Variants in NKX2-5 observed in about 807,000 individuals in gnomAD.
NKX2-5 encodes the protein homeobox protein Nkx-2.5.
NKX2-5 carries 3 observed loss-of-function variants against 24.5 expected under a neutral mutation model. The observed-to-expected ratio is 0.12, with a 90% CI of 0.06 to 0.32. The LOEUF (loss-of-function observed/expected upper bound fraction) is 0.32, where lower values mean the gene tolerates loss of function less well. Among genes scored for constraint, NKX2-5 ranks in the 10% least tolerant of loss-of-function variants. The pLI is 1.00. For synonymous variants in NKX2-5, 215 were observed against 217.6 expected (o/e 0.99, Z 0.11); for missense variants, 429 against 452.4 (o/e 0.95, Z 0.47).
At position 173,232,759 on chromosome 5, in the gene NKX2-5, G is replaced by A. The variant is rs1450940026; in HGVS notation, c.785C>T (p.Ala262Val). ...AYPAYPGYGG[A>V]ACSPGYSCTA... is the part of the protein sequence containing the mutation. ...GCAGCTGTAGCCAGGGCTGCAGGCC[G>A]CGCCGCCGTAACCCGGATAGGCGGG... Residue 262 changes from alanine to valine, a missense_variant, in exon 2 of 2, where the codon GCG (alanine) becomes GTG (valine). Ala to Val is a moderately conservative substitution (Grantham distance 64). Transcript: ENST00000329198. The surrounding 1 kb of genome is among the most constrained non-coding windows in gnomAD (Gnocchi z 5.9). 6.2e-7 allele frequency: 1 copy of A among 1,604,458 alleles called. No individual in the cohort carries two copies. Among genetic ancestry groups the A allele is most frequent in the South Asian group, 1.1e-5 (1 of 90,540 alleles).
At position 173,233,034 on chromosome 5, in the gene NKX2-5, C is replaced by G. The variant is rs1489743522; in HGVS notation, c.510G>C (p.Gln170His). The G allele has an allele frequency of 1.4e-5, 23 of 1,607,808 alleles. No homozygotes were observed. The highest frequency in any genetic ancestry group is 3.4e-5 in the Admixed American group (2 of 59,034). Residue 170 changes from glutamine to histidine, a missense_variant, in exon 2 of 2, where the codon CAG becomes CAC. Gln to His is a conservative substitution (Grantham distance 24). Around this residue, in one of 3 missense-constraint regions of NKX2-5, gnomAD observed 240 missense variants for 240.4 expected, o/e 1.00. Transcript: ENST00000329198. Reference sequence around the variant, plus strand: ...ACGTGAGTTTCAGCACGCTGGCCAGCTGGTCGCGTTCGGGGGCCGACAGGT... The same window carrying G: ...ACGTGAGTTTCAGCACGCTGGCCAGGTGGTCGCGTTCGGGGGCCGACAGGT... ...QRYLSAPERD[Q>H]LASVLKLTST...
At position 173,233,156 on chromosome 5, in the gene NKX2-5, C is replaced by G. The variant is rs1761363955; in HGVS notation, c.388G>C (p.Ala130Pro). 1 of 1,602,920 alleles carries G rather than the reference C, an allele frequency of 6.2e-7. No homozygotes were observed. ...CGCCGTCGCGCCCGGGGCCGCTCCG[C>G]GTTGTCCGCCTCTGTCTTCTCCAGC... ...VELEKTEADN[A>P]ERPRARRRRK... is the part of the protein sequence containing the mutation. The change falls in exon 2 of 2, where the codon GCG (alanine) becomes CCG (proline). Residue 130 changes from alanine (A) to proline (P), a missense_variant. By Grantham distance (27) the Ala-to-Pro change is conservative. Coordinates refer to ENST00000329198, the MANE Select transcript of NKX2-5 (RefSeq NM_004387.4).
In NKX2-5 at chr5:173,234,041, C is replaced by T. The variant is rs1055396946; in HGVS notation, c.334+709G>A. 4.7e-6 allele frequency: 6 copies of T among 1,289,024 alleles called. No homozygotes were observed. The African/African-American group carries it at 7.6e-5, about 16-fold the overall frequency. 79.8% of individuals were successfully genotyped at this position (1,289,024 alleles called of 1,614,324 possible). A position where few individuals can be genotyped will look rare whatever the true frequency, so the allele number is the denominator to read the frequency against. On this transcript the variant is annotated intron_variant, in intron 1 of 1. Coordinates refer to ENST00000329198, the MANE Select transcript of NKX2-5 (RefSeq NM_004387.4). Reference sequence around the variant, plus strand: ...CCTGGGATGGCCTGCGGGATGATCCCGCACTCATCTCGTCCACTCCCTTGT... The same window carrying T: ...CCTGGGATGGCCTGCGGGATGATCCTGCACTCATCTCGTCCACTCCCTTGT...
At chr5:173,233,841 C>G in intron 1 of NKX2-5, 1 of 985,424 alleles carries the variant, frequency 1.0e-6, no homozygotes, top group Non-Finnish European at 1.2e-6. Flanking sequence ...CGAATTTGTT[C>G]CCAGGCCTCT....
Position 173,232,842 on chromosome 5 carries a change from C to T in NKX2-5, c.702G>A (p.Ser234=), listed in dbSNP as rs144543503. ...CGCCGTAGGCAGGCGCGTAGGGCGC[C>T]GAGTCCCCTAGGCATGGCTTGCCAT... ...VRDGKPCLGD[S]APYAPAYGVG... The change falls in exon 2 of 2, where the codon TCG becomes TCA. Residue 234 remains serine (S), a synonymous_variant. Coordinates refer to ENST00000329198, the MANE Select transcript of NKX2-5 (RefSeq NM_004387.4). This position sits in a 1 kb window ranked among gnomAD's most constrained non-coding sequence, Gnocchi z 5.9. 90 of 1,611,802 alleles carry T rather than the reference C, an allele frequency of 5.6e-5. No individual in the cohort carries two copies. The highest frequency in any genetic ancestry group is 7.3e-5 in the Non-Finnish European group (86 of 1,179,472).
chr5:173,233,529 A>AAAAAAG, intron 1 of NKX2-5: 1 of 899,594 alleles, frequency 1.1e-6, no homozygotes, highest in South Asian at 1.6e-5. Context: ...ATAAATAAAA[A>AAAAAAG]AATAAAAAAA....
chr5:173,232,250 C>A lies in NKX2-5; in HGVS notation c.*319G>T. 2.6e-6 allele frequency: 1 copy of A among 390,228 alleles called. No individual in the cohort carries two copies. 24.2% of individuals were successfully genotyped at this position (390,228 alleles called of 1,614,324 possible). On this transcript the variant is annotated 3_prime_UTR_variant, in exon 2 of 2. Transcript: ENST00000329198. This position sits in a 1 kb window ranked among gnomAD's most constrained non-coding sequence, Gnocchi z 5.9. ...CGGCCCTGGCTCGCGGAATGGGCGG[C>A]CAGATCTCAGGCCCTGCGTGCCCGA...
chr5:173,234,013 G>C (rs1269893985), intron 1 of NKX2-5: 1 of 1,266,640 alleles, frequency 7.9e-7, no homozygotes, highest in East Asian at 6.0e-5. Flanking sequence ...CTCCCTCCCC[G>C]ATCCTGGGAT....
intron 1 of NKX2-5, chr5:173,233,817 C>A (rs1761396144): frequency 2.8e-5 from 28 of 983,588 alleles, no homozygotes; most frequent in Non-Finnish European, 3.3e-5. Context: ...TCAGTTCTAG[C>A]CGCCGTGCCC....
At position 173,232,729 on chromosome 5, in the gene NKX2-5, G is replaced by C; in HGVS notation, c.815C>G (p.Ala272Gly). The C allele has an allele frequency of 6.8e-6, 11 of 1,607,328 alleles. No individual in the cohort carries two copies. Among genetic ancestry groups the C allele is most frequent in the Non-Finnish European group, 8.5e-6 (10 of 1,176,796 alleles). Reference sequence around the variant, plus strand: ...TGGGGAAGGCCCGGCGGGGTAAGCGGCAGTGCAGCTGTAGCCAGGGCTGCA... The same window carrying C: ...TGGGGAAGGCCCGGCGGGGTAAGCGCCAGTGCAGCTGTAGCCAGGGCTGCA... ...AACSPGYSCT[A>G]AYPAGPSPAQ... The change falls in exon 2 of 2, where the codon GCC becomes GGC. Residue 272 changes from alanine to glycine, a missense_variant. By Grantham distance (60) the Ala-to-Gly change is moderately conservative. Transcript: ENST00000329198. This position sits in a 1 kb window ranked among gnomAD's most constrained non-coding sequence, Gnocchi z 5.9.
chr5:173,235,065 G>T lies in NKX2-5; in HGVS notation c.19C>A (p.Leu7Ile). ...TTGACTGAGAAGGGCGTGGGCGTGA[G>T]AGCAGGGCTGGGGAACATGGTGGCA... MFPSPALTPTPFSVKDI... is the reference protein window; with the variant it reads MFPSPAITPTPFSVKDI... Residue 7 changes from leucine (L) to isoleucine (I), a missense_variant, in exon 1 of 2, where the codon CTC becomes ATC. Physicochemically the swap from Leu to Ile is conservative, Grantham distance 5 (BLOSUM62 2). This residue lies in a region of NKX2-5 where 240 missense variants were observed against 240.4 expected (regional missense o/e 1.00). Transcript: ENST00000329198. 6.2e-7 allele frequency: 1 copy of T among 1,610,690 alleles called. No homozygotes were observed.
At position 173,232,394 on chromosome 5, in the gene NKX2-5, A is replaced by G; in HGVS notation, c.*175T>C. The G allele has an allele frequency of 1.6e-6, 2 of 1,214,002 alleles. No individual in the cohort carries two copies. Among genetic ancestry groups the G allele is most frequent in the South Asian group, 1.5e-5 (1 of 67,532 alleles). The allele number at this position is 1,214,002 out of a possible 1,614,324, so 75.2% of individuals were successfully genotyped here. A position where few individuals can be genotyped will look rare whatever the true frequency, so the allele number is the denominator to read the frequency against. ...GCACGCTGCATAATCGCCGCCACAA[A>G]CTCTCCCGTGCGCAAGAACAAACGC... On this transcript the variant is annotated 3_prime_UTR_variant, in exon 2 of 2. Transcript: ENST00000329198. The surrounding 1 kb of genome is among the most constrained non-coding windows in gnomAD (Gnocchi z 5.9).
intron 1 of NKX2-5, chr5:173,233,598 G>T: frequency 1.4e-6 from 1 of 707,456 alleles, no homozygotes; most frequent in East Asian, 2.8e-5. Context: ...TTTGGTTTGA[G>T]AAGTTAAATG....
chr5:173,232,175 C>A lies in NKX2-5; in HGVS notation c.*394G>T, dbSNP rs538476635. 7.8e-4 allele frequency: 192 copies of A among 244,682 alleles called. No homozygotes were observed. Among genetic ancestry groups the A allele is most frequent in the African/African-American group, 4.2e-3 (184 of 43,774 alleles). 15.2% of individuals were successfully genotyped at this position (244,682 alleles called of 1,614,324 possible). A position where few individuals can be genotyped will look rare whatever the true frequency, so the allele number is the denominator to read the frequency against. ...ACAGCAATAGGTAAAAACATAAATACGGGTGGGTGCGTGGGCGGGCGACGG... is the reference window on the plus strand; with the variant it reads ...ACAGCAATAGGTAAAAACATAAATAAGGGTGGGTGCGTGGGCGGGCGACGG... On this transcript the variant is annotated 3_prime_UTR_variant, in exon 2 of 2. Transcript: ENST00000329198. This position sits in a 1 kb window ranked among gnomAD's most constrained non-coding sequence, Gnocchi z 5.9.
chr5:173,232,811 G>A lies in NKX2-5; in HGVS notation c.733C>T (p.Leu245Phe), dbSNP rs1761348880. The A allele has an allele frequency of 6.2e-7, 1 of 1,611,970 alleles. No homozygotes were observed. The highest frequency in any genetic ancestry group is 8.5e-7 in the Non-Finnish European group (1 of 1,179,526). ...APYAPAYGVGLNPYGYNAYPA... is the reference protein window; with the variant it reads ...APYAPAYGVGFNPYGYNAYPA... ...TAGGCGTTATAACCGTAGGGATTGA[G>A]GCCCACGCCGTAGGCAGGCGCGTAG... The change falls in exon 2 of 2, where the codon CTC becomes TTC. Residue 245 changes from leucine (L) to phenylalanine (F), a missense_variant. Physicochemically the swap from Leu to Phe is conservative, Grantham distance 22. Transcript: ENST00000329198. The surrounding 1 kb of genome is among the most constrained non-coding windows in gnomAD (Gnocchi z 5.9).
At position 173,232,637 on chromosome 5, in the gene NKX2-5, C is replaced by A. The variant is rs772495396; in HGVS notation, c.907G>T (p.Val303Phe). Residue 303 changes from valine to phenylalanine, a missense_variant, in exon 2 of 2, where the codon GTT (valine) becomes TTT (phenylalanine). Val to Phe is a conservative substitution (Grantham distance 50). This residue lies in a region of NKX2-5 where 183 missense variants were observed against 185.9 expected (regional missense o/e 0.98). Coordinates refer to ENST00000329198, the MANE Select transcript of NKX2-5 (RefSeq NM_004387.4). The surrounding 1 kb of genome is among the most constrained non-coding windows in gnomAD (Gnocchi z 5.9). ...CTCTGCGGAATCCCGGGGCTCTGAA[C>A]CGCATTCAAGTCCCCGACGCCGAAG... The part of the protein sequence containing the change: ...VNFGVGDLNA[V>F]QSPGIPQSNS... 1.2e-6 allele frequency: 2 copies of A among 1,613,312 alleles called. No homozygotes were observed. The highest frequency in any genetic ancestry group is 1.7e-5 in the Admixed American group (1 of 59,990).
Position 173,234,685 on chromosome 5 carries a change from C to T in NKX2-5, c.334+65G>A, listed in dbSNP as rs942247119. On this transcript the variant is annotated intron_variant, in intron 1 of 1. Transcript: ENST00000329198. ...AAGGGCGCGTGTCTCCTCCTCCTGG[C>T]CCTGAGTTTCTTGGGGACGAAAGCG... 6 of 1,364,566 alleles carry T rather than the reference C, an allele frequency of 4.4e-6. No individual in the cohort carries two copies. The African/African-American group carries it at 7.6e-5, about 17-fold the overall frequency. The allele number at this position is 1,364,566 out of a possible 1,614,324, so 84.5% of individuals were successfully genotyped here.
In NKX2-5 at chr5:173,234,737, G is replaced by A. The variant is rs781293315; in HGVS notation, c.334+13C>T. 1 of 1,506,316 alleles carries A rather than the reference G, an allele frequency of 6.6e-7. No individual in the cohort carries two copies. Among genetic ancestry groups the A allele is most frequent in the Non-Finnish European group, 8.8e-7 (1 of 1,130,012 alleles). 93.3% of individuals were successfully genotyped at this position (1,506,316 alleles called of 1,614,324 possible). On this transcript the variant is annotated intron_variant, in intron 1 of 1. Coordinates refer to ENST00000329198, the MANE Select transcript of NKX2-5 (RefSeq NM_004387.4). ...CCCAGGAGGGGAGAAGGGGGCCTGT[G>A]TTTCCTCCTCACCTTTCTTTTCGGC...
Position 173,234,801 on chromosome 5 carries a change from G to C in NKX2-5, c.283C>G (p.Arg95Gly). Reference protein sequence around the residue: ...AFPAAPAFYPRAYSDPDPAKD... With the variant: ...AFPAAPAFYPGAYSDPDPAKD... ...GCTGGGTCGGGGTCGCTGTAGGCACGTGGATAGAAGGCGGGGGCGGCGGGA... is the reference window on the plus strand; with the variant it reads ...GCTGGGTCGGGGTCGCTGTAGGCACCTGGATAGAAGGCGGGGGCGGCGGGA... The change falls in exon 1 of 2, where the codon CGT becomes GGT. Residue 95 changes from arginine (R) to glycine (G), a missense_variant. Transcript: ENST00000329198. 22 of 1,583,006 alleles carry C rather than the reference G, an allele frequency of 1.4e-5. No individual in the cohort carries two copies. The highest frequency in any genetic ancestry group is 1.9e-5 in the Non-Finnish European group (22 of 1,166,658).
Sources: gnomAD v4.1 joint callset for allele counts on GRCh38, gnomAD v4.1.1 for gene constraint, gnomAD v4.1.1 regional missense constraint, Gnocchi (gnomAD v3.1) non-coding constraint, MANE v1.5 for transcripts, NCBI Gene and HGNC (gene_info 2026-07-23, HGNC 2026-07-21) for gene names.